Variants in ERAP1 observed in about 807,000 individuals in gnomAD.
The protein encoded by ERAP1 is adipocyte-derived leucine aminopeptidase.
A neutral mutation model predicts 103.7 loss-of-function variants in ERAP1; 86 were observed. That is an observed-to-expected ratio of 0.83 (90% CI 0.70 to 0.99). The LOEUF (loss-of-function observed/expected upper bound fraction) is 0.99, where lower values mean the gene tolerates loss of function less well. Ranked by LOEUF, ERAP1 falls within the 50% of genes least tolerant of loss-of-function variation. The pLI, the probability that ERAP1 is intolerant of heterozygous loss-of-function variation, is 0.00. For missense variants in ERAP1, 1,009 were observed against 1,128.4 expected (o/e 0.89, Z 1.52); for synonymous variants, 398 against 402.4 (o/e 0.99, Z 0.13).
chr5:96,798,464 G>A (rs1364329238), intron 3 of ERAP1, among the ~76,000 whole-genome samples: 1 of 152,010 alleles, frequency 6.6e-6, no homozygotes, highest in African/African-American at 2.4e-5. Flanking sequence ...AGTCTAACAC[G>A]TCAGCAATAA....
At chr5:96,807,417 C>T (rs548191691) in intron 1 of ERAP1, among the ~76,000 whole-genome samples, 62 of 152,358 alleles carry the variant, frequency 4.1e-4, no homozygotes, top group African/African-American at 1.4e-3. Flanking sequence ...GCTGCCCGCC[C>T]CACCCCGCCT....
the ERAP1 span, among the ~76,000 whole-genome samples, chr5:96,864,421 G>A: frequency 7.9e-5 from 12 of 152,138 alleles, no homozygotes; most frequent in African/African-American, 2.7e-4. Context: ...TGGAAAATGA[G>A]TGTACTTTCA....
At chr5:96,785,737 A>G in intron 13 of ERAP1, 51 bp downstream of exon 13, 1 of 1,571,252 alleles carries the variant, frequency 6.4e-7, no homozygotes, top group Non-Finnish European at 8.7e-7. Context: ...GAATTTGAAC[A>G]ATAACAGCTG....
chr5:96,898,748 AAAAC>A, the ERAP1 span, among the ~76,000 whole-genome samples: 564 of 152,154 alleles, frequency 3.7e-3, 2 homozygotes, highest in Non-Finnish European at 5.1e-3. Flanking sequence ...AAAACAAAAC[AAAAC>A]AAACAAACAA....
chr5:96,804,285 T>C (rs528635037), intron 1 of ERAP1: 19 of 355,950 alleles, frequency 5.3e-5, no homozygotes, highest in South Asian at 3.9e-4. Context: ...AGTGGCTCAC[T>C]ACACGGGTCA....
At chr5:96,892,461 G>A in the ERAP1 span, 1 of 1,613,500 alleles carries the variant, frequency 6.2e-7, no homozygotes, top group East Asian at 2.2e-5. Context: ...CAGGTACTTG[G>A]CACTCATGAC....
At position 96,780,509 on chromosome 5, in the gene ERAP1, A is replaced by G. The variant is rs1241331679; in HGVS notation, c.2589-5T>C. ...GAAGATGAGCCAAGTTCAAACCTAG[A>G]GAGGGAAATATTCAAAAACGGGTTG... On this transcript the variant is annotated splice_region_variant and splice_polypyrimidine_tract_variant and intron_variant, in intron 17 of 18. Coordinates refer to ENST00000443439, the MANE Select transcript of ERAP1 (RefSeq NM_001040458.3). 2.5e-6 allele frequency: 4 copies of G among 1,607,962 alleles called. No homozygotes were observed. The highest frequency in any genetic ancestry group is 1.7e-5 in the Admixed American group (1 of 60,016).
chr5:96,762,261 T>G (rs772755063), exon 20 of ERAP1: 1 of 1,586,140 alleles, frequency 6.3e-7, no homozygotes. Flanking sequence ...AATAAAATTT[T>G]TTTCAATAAA....
chr5:96,789,465 C>T (rs372305750), intron 10 of ERAP1, among the ~76,000 whole-genome samples: 1 of 147,986 alleles, frequency 6.8e-6, no homozygotes, highest in South Asian at 2.1e-4. Flanking sequence ...CCAGCCTGGG[C>T]AACAGAGTGA....
intron 8 of ERAP1, 86 bp downstream of exon 8, chr5:96,791,975 C>T: frequency 3.3e-6 from 5 of 1,497,902 alleles, no homozygotes; most frequent in South Asian, 2.3e-5. Flanking sequence ...CTGGGTTTAA[C>T]CCCACAACCT....
chr5:96,774,918 C>T lies in ERAP1; in HGVS notation c.*1478G>A, dbSNP rs56120748. ...GGAACACATTTTGACATTTTTCGTA[C>T]CAATCATCAATCATATTCCCTTATC... On this transcript the variant is annotated 3_prime_UTR_variant, in exon 19 of 19. Transcript: ENST00000443439. The T allele has an allele frequency of 0.12, 114,337 of 984,068 alleles. 7,110 individuals carry two copies. Among genetic ancestry groups the T allele is most frequent in the Middle Eastern group, 0.13 (248 of 1,912 alleles). 61.0% of individuals were successfully genotyped at this position (984,068 alleles called of 1,614,324 possible). A position where few individuals can be genotyped will look rare whatever the true frequency, so the allele number is the denominator to read the frequency against.
chr5:96,813,513 C>A, the ERAP1 span, among the ~76,000 whole-genome samples: 3 of 151,790 alleles, frequency 2.0e-5, no homozygotes, highest in Admixed American at 6.6e-5. Flanking sequence ...TTTAGCCTGG[C>A]GTGGTGGTAC....
chr5:96,879,433 G>T, the ERAP1 span: 1 of 401,340 alleles, frequency 2.5e-6, no homozygotes, highest in Non-Finnish European at 4.5e-6. Flanking sequence ...GCTCTATTTT[G>T]TGGATACTTG....
At chr5:96,885,416 A>G in the ERAP1 span, among the ~76,000 whole-genome samples, 1 of 152,244 alleles carries the variant, frequency 6.6e-6, no homozygotes, top group South Asian at 2.1e-4. Flanking sequence ...CTTAAAAATT[A>G]CAGCCCTGTA....
chr5:96,892,601 C>A, the ERAP1 span: 1 of 847,224 alleles, frequency 1.2e-6, no homozygotes, highest in Admixed American at 2.8e-5. Flanking sequence ...CGTCAAGTAG[C>A]ACAGTACTCA....
At chr5:96,914,146 T>TCACACA in the ERAP1 span, among the ~76,000 whole-genome samples, 1 of 104,652 alleles carries the variant, frequency 9.6e-6, no homozygotes, top group African/African-American at 3.9e-5. Context: ...TCTCTCTCTC[T>TCACACA]CTCACACACA....
the ERAP1 span, chr5:96,873,484 T>C: frequency 1.1e-5 from 5 of 454,642 alleles, 1 homozygote; most frequent in South Asian, 7.8e-5. Context: ...ATGTGTTACT[T>C]CCAAAGTGGC....
intron 7 of ERAP1, among the ~76,000 whole-genome samples, chr5:96,792,979 GTTGTTATACA>G (rs1384730557): frequency 1.3e-5 from 2 of 152,054 alleles, no homozygotes; most frequent in Non-Finnish European, 2.9e-5. Flanking sequence ...AGAAGCCTAG[GTTGTTATACA>G]ATCAAATGTG....
In ERAP1 at chr5:96,788,526, A is replaced by G; in HGVS notation, c.1679+5T>C. The G allele has an allele frequency of 1.9e-6, 3 of 1,614,116 alleles. No individual in the cohort carries two copies. Among genetic ancestry groups the G allele is most frequent in the Non-Finnish European group, 1.7e-6 (2 of 1,180,018 alleles). On this transcript the variant is annotated splice_donor_5th_base_variant and intron_variant, in intron 11 of 18. Coordinates refer to ENST00000443439, the MANE Select transcript of ERAP1 (RefSeq NM_001040458.3). ...ACAAAACAAATTTTACTCTAGGAGC[A>G]TTACCCAGTGTCCGGGGCGCCGTCA...
Sources: allele counts gnomAD v4.1 joint callset (sites outside exome capture counted in the v4.1 genomes callset), GRCh38; gene constraint gnomAD v4.1.1; transcripts MANE v1.5; gene names NCBI Gene and HGNC (gene_info 2026-07-23, HGNC 2026-07-21).